The following TBC1D19 variants were observed in gnomAD, a reference collection of about 807,000 sequenced individuals.
TBC1D19 encodes TBC1 domain family member 19, also known as TBC1 domain family, member 19.
A neutral mutation model predicts 89.0 loss-of-function variants in TBC1D19; 60 were observed. That is an observed-to-expected ratio of 0.67 (90% CI 0.55 to 0.84). The LOEUF is 0.84. Ranked by LOEUF, TBC1D19 falls within the 40% of genes least tolerant of loss-of-function variation. The probability of loss-of-function intolerance (pLI) is 0.00; values close to 1 mark genes in which losing one functional copy is unlikely to be tolerated. For missense variants in TBC1D19, 500 were observed against 610.8 expected (o/e 0.82, Z 1.91); for synonymous variants, 189 against 199.7 (o/e 0.95, Z 0.45).
At chr4:26,652,947 T>C (rs1447430068) in intron 7 of TBC1D19, among the ~76,000 whole-genome samples, 1 of 152,202 alleles carries the variant, frequency 6.6e-6, no homozygotes, top group Non-Finnish European at 1.5e-5. Flanking sequence ...CTAGTTCTTT[T>C]AATTGTGATG....
chr4:26,585,097 A>G (rs1439891798), intron 1 of TBC1D19: 2 of 395,416 alleles, frequency 5.1e-6, no homozygotes, highest in African/African-American at 2.1e-5. Flanking sequence ...TAAAGCTGAT[A>G]TATACATTCT....
At chr4:26,718,832 A>G (rs776170536) in intron 14 of TBC1D19, among the ~76,000 whole-genome samples, 3 of 152,022 alleles carry the variant, frequency 2.0e-5, no homozygotes, top group Admixed American at 6.6e-5. Context: ...TGAATTATCT[A>G]CTGAGCTCAC....
chr4:26,676,885 G>A (rs1712858191), intron 11 of TBC1D19, among the ~76,000 whole-genome samples: 1 of 151,930 alleles, frequency 6.6e-6, no homozygotes, highest in African/African-American at 2.4e-5. Flanking sequence ...GATTCTTGAG[G>A]GTCTGTCTCT....
At chr4:26,787,631 G>A in the TBC1D19 span, among the ~76,000 whole-genome samples, 6 of 152,156 alleles carry the variant, frequency 3.9e-5, no homozygotes, top group Admixed American at 1.3e-4. Flanking sequence ...TGGAAAGGCA[G>A]ATTGAAGCCT....
the TBC1D19 span, among the ~76,000 whole-genome samples, chr4:26,774,426 C>T: frequency 6.6e-6 from 1 of 152,236 alleles, no homozygotes. Context: ...AATCCATGAA[C>T]ATGGTATATC....
At chr4:26,763,409 A>C in the TBC1D19 span, among the ~76,000 whole-genome samples, 1 of 152,202 alleles carries the variant, frequency 6.6e-6, no homozygotes, top group Non-Finnish European at 1.5e-5. Flanking sequence ...CTGCATGATA[A>C]AACTTTGGTC....
At chr4:26,812,986 G>C in the TBC1D19 span, among the ~76,000 whole-genome samples, 1 of 152,134 alleles carries the variant, frequency 6.6e-6, no homozygotes, top group African/African-American at 2.4e-5. This position sits in a 1 kb window ranked among gnomAD's most constrained non-coding sequence, Gnocchi z 4.2. Flanking sequence ...GGAGGCCCAA[G>C]GTGGGAGGAT....
At chr4:26,750,578 AC>A (rs1458528223) in intron 19 of TBC1D19, among the ~76,000 whole-genome samples, 2 of 152,192 alleles carry the variant, frequency 1.3e-5, no homozygotes, top group East Asian at 3.8e-4. Context: ...TATGTTGAAT[AC>A]TGTATTTGCT....
intron 7 of TBC1D19, among the ~76,000 whole-genome samples, chr4:26,645,292 G>C (rs1163001474): frequency 1.3e-5 from 2 of 152,106 alleles, no homozygotes; most frequent in Admixed American, 6.6e-5. Context: ...GCATGGTACT[G>C]GTACCAAAAC....
chr4:26,738,147 T>A (rs1718152773), intron 16 of TBC1D19, among the ~76,000 whole-genome samples: 1 of 151,472 alleles, frequency 6.6e-6, no homozygotes, highest in Non-Finnish European at 1.5e-5. Context: ...CTTTTCCATT[T>A]CATAGCTATA....
chr4:26,585,100 T>C, intron 1 of TBC1D19: 1 of 407,990 alleles, frequency 2.5e-6, no homozygotes, highest in South Asian at 1.8e-5. Flanking sequence ...AGCTGATATA[T>C]ACATTCTAGT....
chr4:26,590,826 T>C (rs987733689), intron 1 of TBC1D19, among the ~76,000 whole-genome samples: 10 of 140,916 alleles, frequency 7.1e-5, no homozygotes, highest in African/African-American at 2.7e-4. Context: ...TTTTTTTTTT[T>C]TGTGAGTCAG....
chr4:26,842,896 G>A, the TBC1D19 span, among the ~76,000 whole-genome samples: 9 of 152,002 alleles, frequency 5.9e-5, no homozygotes, highest in South Asian at 2.1e-4. Context: ...GAATGAAATC[G>A]TAGAAACATT....
In TBC1D19 at chr4:26,744,328, T is replaced by A. The variant is rs140214072; in HGVS notation, c.1319+1729T>A. ...TTATTCATCTTTGAAAGAATCAGTTTTTTGTACCATTGATTCTTTTTCTCT... is the reference window on the plus strand; with the variant it reads ...TTATTCATCTTTGAAAGAATCAGTTATTTGTACCATTGATTCTTTTTCTCT... On this transcript the variant is annotated intron_variant, in intron 18 of 20. Transcript: ENST00000264866. Among the ~76,000 whole-genome samples the A allele has an allele frequency of 5.7e-3, 863 of 151,834 alleles. 7 individuals are homozygous for A. The highest frequency in any genetic ancestry group is 0.02 in the African/African-American group (837 of 41,548).
chr4:26,842,340 C>CTTTTTTTTTTTTTTTTTTTTTT, the TBC1D19 span, among the ~76,000 whole-genome samples: 64 of 81,596 alleles, frequency 7.8e-4, 3 homozygotes, highest in East Asian at 2.7e-3. Context: ...CTTTTCTTTT[C>CTTTTTTTTTTTTTTTTTTTTTT]TTTTTTTTTT....
At chr4:26,635,976 G>A (rs549860129) in intron 4 of TBC1D19, among the ~76,000 whole-genome samples, 1 of 152,204 alleles carries the variant, frequency 6.6e-6, no homozygotes, top group African/African-American at 2.4e-5. Context: ...AATGATAGCT[G>A]TAGTAAAAGC....
At chr4:26,627,866 G>T (rs1268562497) in intron 4 of TBC1D19, among the ~76,000 whole-genome samples, 1 of 151,662 alleles carries the variant, frequency 6.6e-6, no homozygotes. Context: ...AGTTTCTTTT[G>T]CTGTGCAGAA....
At chr4:26,825,121 ACAGAG>A in the TBC1D19 span, among the ~76,000 whole-genome samples, 1 of 147,788 alleles carries the variant, frequency 6.8e-6, no homozygotes, top group Non-Finnish European at 1.5e-5. Flanking sequence ...TTTTTTTGAG[ACAGAG>A]TCTCACTCTG....
chr4:26,729,448 CAG>C (rs1294644449), intron 15 of TBC1D19, among the ~76,000 whole-genome samples: 1 of 152,100 alleles, frequency 6.6e-6, no homozygotes, highest in African/African-American at 2.4e-5. Context: ...TAACACAAAA[CAG>C]AGTGAAATCA....
Sources: allele counts gnomAD v4.1 joint callset (sites outside exome capture counted in the v4.1 genomes callset), GRCh38; gene constraint gnomAD v4.1.1; non-coding constraint Gnocchi (gnomAD v3.1); transcripts MANE v1.5; gene names NCBI Gene and HGNC (gene_info 2026-07-23, HGNC 2026-07-21).